The following RERG variants were observed in gnomAD, a reference collection of about 807,000 sequenced individuals.
RERG encodes RAS like estrogen regulated growth inhibitor, also known as ras-related and estrogen-regulated growth inhibitor.
A neutral mutation model predicts 23.2 loss-of-function variants in RERG; 25 were observed. The ratio of observed to expected loss-of-function variants is 1.08; its 90% CI spans 0.79 to 1.50. The LOEUF (loss-of-function observed/expected upper bound fraction) is 1.50, where lower values mean the gene tolerates loss of function less well. RERG is among the 40% of genes most tolerant of loss of function. The pLI is 0.00. For missense variants in RERG, 253 were observed against 250.1 expected, an observed-to-expected ratio of 1.01 and a Z score of -0.08; for synonymous variants, 81 against 89.1, an observed-to-expected ratio of 0.91 and a Z score of 0.51.
At chr12:15,135,914 T>C (rs1324103369) in intron 2 of RERG, among the ~76,000 whole-genome samples, 3 of 152,138 alleles carry the variant, frequency 2.0e-5, no homozygotes, top group Non-Finnish European at 2.9e-5. Context: ...ACTGGCCTCA[T>C]AGAATGAGTT....
intron 2 of RERG, among the ~76,000 whole-genome samples, chr12:15,133,949 CT>C (rs1361666604): frequency 1.3e-5 from 2 of 151,792 alleles, no homozygotes; most frequent in Admixed American, 6.6e-5. Flanking sequence ...TTTTAGTTGA[CT>C]TTTTTTCATT....
intron 2 of RERG, among the ~76,000 whole-genome samples, chr12:15,147,085 T>A (rs986885409): frequency 1.1e-4 from 16 of 149,476 alleles, no homozygotes; most frequent in Admixed American, 2.0e-4. Context: ...AAAAAAAAAA[T>A]TTAAGGCTAT....
chr12:15,171,018 G>A (rs1864770429), intron 2 of RERG, among the ~76,000 whole-genome samples: 1 of 152,132 alleles, frequency 6.6e-6, no homozygotes, highest in African/African-American at 2.4e-5. Flanking sequence ...GAATTTAATT[G>A]GTGCATTTAT....
At chr12:15,122,112 A>ATTTGGCATATAATT (rs1555120236) in intron 2 of RERG, among the ~76,000 whole-genome samples, 101 of 152,278 alleles carry the variant, frequency 6.6e-4, no homozygotes, top group South Asian at 1.9e-3. Context: ...AAAAATATAC[A>ATTTGGCATATAATT]TACACACATT....
intron 2 of RERG, among the ~76,000 whole-genome samples, chr12:15,191,062 A>G (rs899860241): frequency 1.3e-5 from 2 of 152,100 alleles, no homozygotes; most frequent in Non-Finnish European, 2.9e-5. Context: ...GTGGCATCCT[A>G]TCACCCTTGC....
chr12:15,203,593 T>G (rs1865246019), intron 2 of RERG, among the ~76,000 whole-genome samples: 1 of 151,626 alleles, frequency 6.6e-6, no homozygotes, highest in Non-Finnish European at 1.5e-5. Flanking sequence ...GAAAAAGGAA[T>G]AAAAGGCATC....
intron 2 of RERG, among the ~76,000 whole-genome samples, chr12:15,148,562 T>A (rs1379615678): frequency 6.6e-6 from 1 of 152,168 alleles, no homozygotes; most frequent in East Asian, 1.9e-4. Context: ...CATAGGAAAC[T>A]TTAAGTGTAT....
chr12:15,166,051 C>T (rs1864682481), intron 2 of RERG, among the ~76,000 whole-genome samples: 1 of 152,204 alleles, frequency 6.6e-6, no homozygotes, highest in African/African-American at 2.4e-5. Flanking sequence ...TCAAAACCCT[C>T]ATTTCCATAT....
intron 2 of RERG, among the ~76,000 whole-genome samples, chr12:15,208,023 G>C (rs1865316439): frequency 6.6e-6 from 1 of 152,136 alleles, no homozygotes; most frequent in Admixed American, 6.6e-5. Context: ...GTTAATATCA[G>C]TAGACTAGTG....
intron 2 of RERG, among the ~76,000 whole-genome samples, chr12:15,175,692 G>T (rs1864841443): frequency 6.6e-6 from 1 of 152,022 alleles, no homozygotes; most frequent in Non-Finnish European, 1.5e-5. Context: ...AAAATTCCCT[G>T]GGGATAGGGC....
chr12:15,173,622 T>C (rs1864806178), intron 2 of RERG, among the ~76,000 whole-genome samples: 1 of 152,024 alleles, frequency 6.6e-6, no homozygotes, highest in Admixed American at 6.6e-5. Flanking sequence ...AAATATGGGC[T>C]TTTCCCTTAT....
chr12:15,114,663 C>G (rs1173411765), intron 3 of RERG: 2 of 152,188 alleles, frequency 1.3e-5, no homozygotes, highest in Non-Finnish European at 2.9e-5. Flanking sequence ...GAGCAATTCA[C>G]TAGTGTTCGG....
At chr12:15,113,641 A>G (rs991479273) in intron 3 of RERG, among the ~76,000 whole-genome samples, 8 of 151,932 alleles carry the variant, frequency 5.3e-5, no homozygotes, top group African/African-American at 1.9e-4. Flanking sequence ...TTAGGAAGTA[A>G]TAAAAATGAA....
At chr12:15,212,457 A>T (rs1865381912) in intron 2 of RERG, among the ~76,000 whole-genome samples, 1 of 152,208 alleles carries the variant, frequency 6.6e-6, no homozygotes, top group Admixed American at 6.5e-5. Flanking sequence ...TATATTAGGG[A>T]TTAATAGTAA....
chr12:15,129,538 C>A (rs2900345), intron 2 of RERG, among the ~76,000 whole-genome samples: 101,746 of 152,004 alleles, frequency 0.67, 34,170 homozygotes, highest in Admixed American at 0.75. Context: ...AAAGAAAGCA[C>A]GACTGAGAGG....
intron 2 of RERG, among the ~76,000 whole-genome samples, chr12:15,156,659 C>T (rs1174571274): frequency 1.3e-5 from 2 of 152,058 alleles, no homozygotes; most frequent in African/African-American, 2.4e-5. Flanking sequence ...TATTTTCTTT[C>T]TAAACAAGAA....
intron 2 of RERG, among the ~76,000 whole-genome samples, chr12:15,206,896 T>C (rs1012790831): frequency 6.6e-6 from 1 of 152,118 alleles, no homozygotes; most frequent in African/African-American, 2.4e-5. Context: ...TCTTGATTCC[T>C]AAGAAAAGCA....
Position 15,206,746 on chromosome 12 carries a change from A to C in RERG, c.61+10683T>G, listed in dbSNP as rs944633842. ...CTCTGGTTTGCAGCAGCAGTGCTAA[A>C]TCACATAAATTCAGCCATTTTAGTA... On this transcript the variant is annotated intron_variant, in intron 2 of 4. Transcript: ENST00000256953. Among the ~76,000 whole-genome samples, 64 of 152,166 alleles carry C rather than the reference A, an allele frequency of 4.2e-4. 1 individual carries two copies. Among genetic ancestry groups the C allele is most frequent in the African/African-American group, 1.5e-3 (63 of 41,450 alleles).
chr12:15,205,224 C>T (rs903637803), intron 2 of RERG, among the ~76,000 whole-genome samples: 1 of 151,944 alleles, frequency 6.6e-6, no homozygotes, highest in Admixed American at 6.6e-5. Flanking sequence ...AAAAAATTTA[C>T]ATAGTTCTTT....
Sources: allele counts gnomAD v4.1 joint callset (sites outside exome capture counted in the v4.1 genomes callset), GRCh38; gene constraint gnomAD v4.1.1; transcripts MANE v1.5; gene names NCBI Gene and HGNC (gene_info 2026-07-23, HGNC 2026-07-21).